The following ATP10A variants were observed in gnomAD, a reference collection of about 807,000 sequenced individuals.
ATP10A encodes the protein phospholipid-transporting ATPase VA.
ATP10A carries 111 observed loss-of-function variants against 147.8 expected under a neutral mutation model. The ratio of observed to expected loss-of-function variants is 0.75; its 90% CI spans 0.64 to 0.88. The LOEUF (loss-of-function observed/expected upper bound fraction) is 0.88. Ranked by LOEUF, ATP10A falls within the 40% of genes least tolerant of loss-of-function variation. ATP10A has a pLI of 0.00. For missense variants in ATP10A, 1,927 were observed against 1,959.0 expected, an observed-to-expected ratio of 0.98 and a Z score of 0.31; for synonymous variants, 875 against 841.6, an observed-to-expected ratio of 1.04 and a Z score of -0.69.
intron 1 of ATP10A, among the ~76,000 whole-genome samples, chr15:25,818,160 A>T (rs971271852): frequency 6.6e-6 from 1 of 152,190 alleles, no homozygotes; most frequent in Non-Finnish European, 1.5e-5. Flanking sequence ...AAACCTAGAA[A>T]CACATAAATA....
At chr15:25,766,015 A>T (rs958243401) in intron 2 of ATP10A, among the ~76,000 whole-genome samples, 1 of 152,216 alleles carries the variant, frequency 6.6e-6, no homozygotes, top group Non-Finnish European at 1.5e-5. Context: ...AAAGAGATTT[A>T]ATTGGACTTA....
At chr15:25,755,170 C>T (rs950532313) in intron 2 of ATP10A, among the ~76,000 whole-genome samples, 2 of 152,076 alleles carry the variant, frequency 1.3e-5, no homozygotes, top group African/African-American at 4.8e-5. Flanking sequence ...ACTGATACTC[C>T]CTAGACAGAA....
At chr15:25,804,545 C>T (rs1891096262) in intron 1 of ATP10A, among the ~76,000 whole-genome samples, 2 of 151,682 alleles carry the variant, frequency 1.3e-5, no homozygotes, top group South Asian at 4.2e-4. Context: ...TATGGCTAAA[C>T]ACGGAAAGGA....
intron 13 of ATP10A, among the ~76,000 whole-genome samples, chr15:25,699,249 G>A (rs969926002): frequency 4.6e-5 from 7 of 152,136 alleles, no homozygotes; most frequent in Admixed American, 4.6e-4. Flanking sequence ...ATTGGTGAAG[G>A]GATAGACAAA....
chr15:25,770,332 G>C (rs1324244360), intron 2 of ATP10A, among the ~76,000 whole-genome samples: 3 of 152,192 alleles, frequency 2.0e-5, no homozygotes, highest in African/African-American at 7.2e-5. Flanking sequence ...CTGCAGAGAT[G>C]GCCCTGAGGG....
chr15:25,681,488 C>T (rs546802999), intron 17 of ATP10A, among the ~76,000 whole-genome samples: 20 of 152,294 alleles, frequency 1.3e-4, no homozygotes, highest in African/African-American at 4.8e-4. Context: ...GCCCTATTCC[C>T]GAATAAACAC....
intron 10 of ATP10A, among the ~76,000 whole-genome samples, chr15:25,712,923 G>T (rs1262274300): frequency 2.0e-5 from 3 of 152,198 alleles, no homozygotes; most frequent in Non-Finnish European, 4.4e-5. Context: ...GCACTGAGAT[G>T]CTGGCAAGAA....
intron 1 of ATP10A, among the ~76,000 whole-genome samples, chr15:25,820,653 T>G (rs2140843343): frequency 6.6e-6 from 1 of 152,246 alleles, no homozygotes; most frequent in South Asian, 2.1e-4. Context: ...GGAAAAAATG[T>G]TTTAAAAAGA....
At chr15:25,736,595 A>G (rs535929192) in intron 2 of ATP10A, among the ~76,000 whole-genome samples, 79 of 152,240 alleles carry the variant, frequency 5.2e-4, no homozygotes, top group Non-Finnish European at 1.0e-3. Flanking sequence ...ATCTTTGATG[A>G]AAAAGATTTA....
intron 1 of ATP10A, among the ~76,000 whole-genome samples, chr15:25,810,130 AG>A (rs1891365307): frequency 6.6e-6 from 1 of 152,164 alleles, no homozygotes; most frequent in Non-Finnish European, 1.5e-5. Flanking sequence ...GATCACTCCC[AG>A]TGACCCACAG....
intron 15 of ATP10A, 38 bp from the exon 16 acceptor site, chr15:25,687,866 G>A (rs376878992): frequency 9.3e-6 from 15 of 1,613,172 alleles, no homozygotes; most frequent in East Asian, 4.5e-5. Flanking sequence ...TGGTGATGCC[G>A]ACCTGGCGTC....
intron 15 of ATP10A, among the ~76,000 whole-genome samples, chr15:25,688,432 A>G (rs941190735): frequency 4.7e-4 from 71 of 152,302 alleles, no homozygotes; most frequent in Admixed American, 1.0e-3. Context: ...CGTTTCCTCC[A>G]TGGACAGGCA....
intron 1 of ATP10A, among the ~76,000 whole-genome samples, chr15:25,794,815 G>A (rs959918344): frequency 6.6e-6 from 1 of 152,200 alleles, no homozygotes; most frequent in African/African-American, 2.4e-5. Context: ...CTTCTCTGGA[G>A]GCCACACACG....
chr15:25,796,690 G>A (rs142950080), intron 1 of ATP10A, among the ~76,000 whole-genome samples: 1 of 152,332 alleles, frequency 6.6e-6, no homozygotes, highest in African/African-American at 2.4e-5. Flanking sequence ...AGAGCCACAT[G>A]TGTCCTGGGC....
At position 25,780,966 on chromosome 15, in the gene ATP10A, G is replaced by A; in HGVS notation, c.654+53C>T. ...TCTGAGCCCCAGAAGGCTGTCATGG[G>A]GACACTGTGTGGCTGTAATGCCTGC... is the stretch of plus-strand genomic sequence containing the variant. On this transcript the variant is annotated intron_variant, in intron 2 of 20. Transcript: ENST00000555815. The A allele has an allele frequency of 2.5e-6, 4 of 1,574,142 alleles. No individual in the cohort carries two copies. In the South Asian group the frequency reaches 3.4e-5, roughly 13 times the overall value.
intron 2 of ATP10A, among the ~76,000 whole-genome samples, chr15:25,769,701 G>A (rs1889236193): frequency 6.6e-6 from 1 of 152,038 alleles, no homozygotes; most frequent in African/African-American, 2.4e-5. Flanking sequence ...CAGTGAAATG[G>A]ATTGATCTGA....
chr15:25,820,182 A>G (rs1442047987), intron 1 of ATP10A, among the ~76,000 whole-genome samples: 2 of 152,236 alleles, frequency 1.3e-5, no homozygotes, highest in African/African-American at 2.4e-5. Flanking sequence ...TAAACCTTCA[A>G]TAAATAAGCC....
At chr15:25,685,977 T>G (rs1332464354) in intron 16 of ATP10A, among the ~76,000 whole-genome samples, 2 of 152,124 alleles carry the variant, frequency 1.3e-5, no homozygotes, top group Non-Finnish European at 2.9e-5. Context: ...CTTACAACTG[T>G]GCACTTGAGG....
At chr15:25,785,225 G>A (rs1243556342) in intron 1 of ATP10A, among the ~76,000 whole-genome samples, 1 of 152,132 alleles carries the variant, frequency 6.6e-6, no homozygotes, top group Non-Finnish European at 1.5e-5. Flanking sequence ...ACTATTTGGA[G>A]AGAGAGGCTC....
Sources: gnomAD v4.1 joint callset for allele counts (sites outside exome capture counted in the v4.1 genomes callset) on GRCh38, gnomAD v4.1.1 for gene constraint, MANE v1.5 for transcripts, NCBI Gene and HGNC (gene_info 2026-07-23, HGNC 2026-07-21) for gene names.